GPHN: variants seen among roughly 807,000 people sequenced by gnomAD.
The protein encoded by GPHN is gephyrin.
In GPHN, 17 loss-of-function variants were observed where a neutral mutation model predicts 95.5. That is an observed-to-expected ratio of 0.18 (90% confidence interval 0.12 to 0.27). The LOEUF is 0.27. GPHN is among the 10% of genes least tolerant of loss of function. The probability of loss-of-function intolerance (pLI) is 1.00; values close to 1 mark genes in which losing one functional copy is unlikely to be tolerated. For missense variants in GPHN, 660 were observed against 978.1 expected, an observed-to-expected ratio of 0.67 and a Z score of 4.34; for synonymous variants, 320 against 322.5, an observed-to-expected ratio of 0.99 and a Z score of 0.08.
intron 1 of GPHN, among the ~76,000 whole-genome samples, chr14:66,626,529 AT>A (rs2063534722): frequency 6.6e-6 from 1 of 152,106 alleles, no homozygotes; most frequent in African/African-American, 2.4e-5. Context: ...ATAACTTAAT[AT>A]TTTGAGGATA....
At chr14:66,673,918 C>T (rs2066439395) in intron 1 of GPHN, among the ~76,000 whole-genome samples, 1 of 152,084 alleles carries the variant, frequency 6.6e-6, no homozygotes, top group African/African-American at 2.4e-5. Context: ...AATACATTTA[C>T]ACAATGTGTA....
chr14:66,583,071 G>A (rs925995870), intron 1 of GPHN, among the ~76,000 whole-genome samples: 5 of 151,540 alleles, frequency 3.3e-5, no homozygotes, highest in South Asian at 2.1e-4. Context: ...TTTAATGATT[G>A]CCATTCTAAC....
At chr14:67,549,033 T>G in the GPHN span, among the ~76,000 whole-genome samples, 1 of 152,164 alleles carries the variant, frequency 6.6e-6, no homozygotes, top group East Asian at 1.9e-4. Context: ...TCACAACATA[T>G]GGGTAGCCCA....
At chr14:67,429,033 A>T in the GPHN span, among the ~76,000 whole-genome samples, 1 of 152,220 alleles carries the variant, frequency 6.6e-6, no homozygotes, top group Non-Finnish European at 1.5e-5. Context: ...TGAAGGCTCA[A>T]GACCCGTATT....
chr14:67,720,625 A>C, the GPHN span, among the ~76,000 whole-genome samples: 1 of 152,174 alleles, frequency 6.6e-6, no homozygotes, highest in East Asian at 1.9e-4. Context: ...CTAAATGCCC[A>C]TGTGTATTTG....
At chr14:67,500,758 A>C in the GPHN span, among the ~76,000 whole-genome samples, 1 of 151,590 alleles carries the variant, frequency 6.6e-6, no homozygotes, top group African/African-American at 2.4e-5. Context: ...TTTTTACTAG[A>C]GACGGGGTTT....
the GPHN span, among the ~76,000 whole-genome samples, chr14:67,728,552 A>C: frequency 2.0e-5 from 3 of 152,170 alleles, no homozygotes; most frequent in African/African-American, 7.2e-5. Context: ...TCTGTGACTT[A>C]GTTTTCTTTG....
the GPHN span, chr14:67,646,966 T>C: frequency 3.1e-6 from 5 of 1,612,702 alleles, no homozygotes; most frequent in East Asian, 2.2e-5. Context: ...CCATGAGAGA[T>C]ATTGATCGAC....
the GPHN span, among the ~76,000 whole-genome samples, chr14:67,487,796 T>A: frequency 0.069 from 10,197 of 148,744 alleles, 518 homozygotes; most frequent in East Asian, 0.24. Context: ...CCATGTACTT[T>A]AAAAAAAAAA....
chr14:66,704,546 T>G (rs1277788955), intron 2 of GPHN, among the ~76,000 whole-genome samples: 1 of 152,092 alleles, frequency 6.6e-6, no homozygotes, highest in African/African-American at 2.4e-5. Context: ...TTGAACAACC[T>G]GCTCCAGAAT....
At chr14:67,529,958 C>CT in the GPHN span, among the ~76,000 whole-genome samples, 1 of 152,046 alleles carries the variant, frequency 6.6e-6, no homozygotes, top group Admixed American at 6.6e-5. Flanking sequence ...TGATTTGAGG[C>CT]TTTTTTGGTG....
intron 1 of GPHN, among the ~76,000 whole-genome samples, chr14:66,611,409 T>C (rs902367786): frequency 1.8e-4 from 27 of 152,134 alleles, no homozygotes; most frequent in African/African-American, 6.0e-4. Context: ...AGAGCATTTC[T>C]GTAGAGACAA....
chr14:67,371,028 A>G, the GPHN span, among the ~76,000 whole-genome samples: 1 of 152,134 alleles, frequency 6.6e-6, no homozygotes, highest in South Asian at 2.1e-4. Context: ...CTGTCTCAAA[A>G]AAAAGGAAAA....
chr14:66,947,644 G>A (rs536657945), intron 8 of GPHN, among the ~76,000 whole-genome samples: 22 of 152,180 alleles, frequency 1.4e-4, no homozygotes, highest in South Asian at 1.0e-3. Flanking sequence ...GATATATTTC[G>A]CCATACCCAT....
At chr14:66,514,441 C>T (rs981553060) in intron 1 of GPHN, among the ~76,000 whole-genome samples, 1 of 152,056 alleles carries the variant, frequency 6.6e-6, no homozygotes, top group Admixed American at 6.5e-5. Context: ...GTGTAACCCT[C>T]TCTCAGCTTT....
At chr14:67,393,377 G>GAAA in the GPHN span, 1 of 707,980 alleles carries the variant, frequency 1.4e-6, no homozygotes, top group East Asian at 2.5e-5. Flanking sequence ...AGGGGTGTAG[G>GAAA]AAAGCAGCCT....
At chr14:67,410,058 T>C in the GPHN span, among the ~76,000 whole-genome samples, 2 of 152,124 alleles carry the variant, frequency 1.3e-5, no homozygotes, top group Admixed American at 6.5e-5. Flanking sequence ...GCCCCGTCTT[T>C]TCCAAGGGCT....
intron 2 of GPHN, among the ~76,000 whole-genome samples, chr14:66,719,174 T>C (rs1421087401): frequency 6.6e-6 from 1 of 152,152 alleles, no homozygotes; most frequent in Non-Finnish European, 1.5e-5. Flanking sequence ...CCTGTTCAAG[T>C]TGTTACCAAG....
At chr14:66,675,192 G>A in intron 1 of GPHN, among the ~76,000 whole-genome samples, 1 of 144,142 alleles carries the variant, frequency 6.9e-6, no homozygotes, top group Non-Finnish European at 1.5e-5. Context: ...TGCCCATGCT[G>A]AAGTCGAATG....
Sources: allele counts gnomAD v4.1 joint callset (sites outside exome capture counted in the v4.1 genomes callset), GRCh38; gene constraint gnomAD v4.1.1; transcripts MANE v1.5; gene names NCBI Gene and HGNC (gene_info 2026-07-23, HGNC 2026-07-21).